The following PTAFR variants were observed in gnomAD, a reference collection of about 807,000 sequenced individuals.
The protein encoded by PTAFR is platelet activating factor receptor, also known as platelet-activating factor receptor.
A neutral mutation model predicts 14.7 loss-of-function variants in PTAFR; 8 were observed. The observed-to-expected ratio is 0.54, with a 90% CI of 0.32 to 0.98. PTAFR has a LOEUF of 0.98. Ranked by LOEUF, PTAFR falls within the 50% of genes least tolerant of loss-of-function variation. The pLI is 0.04. For missense variants in PTAFR, 337 were observed against 451.2 expected (o/e 0.75, Z 2.29); for synonymous variants, 156 against 176.5 (o/e 0.88, Z 0.92).
At chr1:28,173,118 A>C (rs1467390140) in intron 1 of PTAFR, among the ~76,000 whole-genome samples, 1 of 151,560 alleles carries the variant, frequency 6.6e-6, no homozygotes. Flanking sequence ...AAAAAAAAAA[A>C]AAAAAAAAAA....
intron 1 of PTAFR, among the ~76,000 whole-genome samples, chr1:28,152,315 T>C (rs1053522808): frequency 2.0e-5 from 3 of 152,028 alleles, no homozygotes; most frequent in African/African-American, 4.8e-5. Context: ...AAAATATAAC[T>C]GTCTGCCCAG....
At chr1:28,183,382 A>T (rs1646578054) in intron 1 of PTAFR, among the ~76,000 whole-genome samples, 1 of 152,230 alleles carries the variant, frequency 6.6e-6, no homozygotes, top group Non-Finnish European at 1.5e-5. Flanking sequence ...ATTTAAGTAT[A>T]TAAGTAATTA....
chr1:28,173,731 C>T (rs145754563), intron 1 of PTAFR, among the ~76,000 whole-genome samples: 138 of 152,088 alleles, frequency 9.1e-4, no homozygotes, highest in African/African-American at 2.9e-3. Flanking sequence ...GCCAGCCAAG[C>T]TCAACTCCAA....
intron 1 of PTAFR, among the ~76,000 whole-genome samples, chr1:28,162,887 G>A (rs1175240120): frequency 6.7e-6 from 1 of 148,172 alleles, no homozygotes; most frequent in South Asian, 2.1e-4. Context: ...CAGGCGATTC[G>A]TGCACGCACC....
Position 28,184,184 on chromosome 1 carries a change from C to T in PTAFR, c.-39+9538G>A, listed in dbSNP as rs142414893. 3.1e-3 allele frequency among the ~76,000 whole-genome samples: 469 copies of T among 150,194 alleles called. 3 individuals carry two copies. Among genetic ancestry groups the T allele is most frequent in the Middle Eastern group, 0.01 (3 of 294 alleles). On this transcript the variant is annotated intron_variant, in intron 1 of 1. Transcript: ENST00000305392. Reference sequence around the variant, plus strand: ...CTCAGCTCACTCCAACCTCCGCCTCCCAGGTTCAAGCAATTCTCCTGCATC... The same window carrying T: ...CTCAGCTCACTCCAACCTCCGCCTCTCAGGTTCAAGCAATTCTCCTGCATC...
intron 1 of PTAFR, among the ~76,000 whole-genome samples, chr1:28,155,226 G>A (rs1278445767): frequency 6.6e-6 from 1 of 151,988 alleles, no homozygotes; most frequent in Non-Finnish European, 1.5e-5. Context: ...TGTTGTTGTT[G>A]TTGAGATGGG....
intron 1 of PTAFR, among the ~76,000 whole-genome samples, chr1:28,153,315 G>A (rs1646217385): frequency 6.6e-6 from 1 of 152,296 alleles, no homozygotes; most frequent in Non-Finnish European, 1.5e-5. Flanking sequence ...GTCATTGCAA[G>A]CTCCTAGGAG....
intron 1 of PTAFR, among the ~76,000 whole-genome samples, chr1:28,169,406 C>T (rs1368428334): frequency 4.6e-5 from 7 of 152,148 alleles, no homozygotes; most frequent in Admixed American, 4.6e-4. Context: ...GCTATGCAAC[C>T]TTTGGTAAAA....
upstream of PTAFR, among the ~76,000 whole-genome samples, chr1:28,179,010 A>G (rs1646541723): frequency 6.6e-6 from 1 of 151,970 alleles, no homozygotes; most frequent in African/African-American, 2.4e-5. Flanking sequence ...AAAAAAAAAG[A>G]AAAGAAACAG....
intron 1 of PTAFR, among the ~76,000 whole-genome samples, chr1:28,188,226 G>T (rs1444684114): frequency 6.6e-6 from 1 of 152,246 alleles, no homozygotes; most frequent in Middle Eastern, 3.4e-3. Flanking sequence ...CTGGCAGATC[G>T]CTTGAACCCA....
At chr1:28,170,478 A>G (rs1421862507) in intron 1 of PTAFR, among the ~76,000 whole-genome samples, 1 of 152,160 alleles carries the variant, frequency 6.6e-6, no homozygotes, top group African/African-American at 2.4e-5. Context: ...CTGAGGTAAG[A>G]GAATTGCTTG....
chr1:28,160,385 G>T (rs1183497520), intron 1 of PTAFR, among the ~76,000 whole-genome samples: 2 of 149,674 alleles, frequency 1.3e-5, no homozygotes, highest in African/African-American at 2.5e-5. Flanking sequence ...ACACAGCAAG[G>T]CTTCATCTCA....
intron 1 of PTAFR, among the ~76,000 whole-genome samples, chr1:28,155,431 G>A (rs999298012): frequency 2.0e-5 from 3 of 152,122 alleles, no homozygotes; most frequent in East Asian, 1.9e-4. Context: ...GGCTGATCTC[G>A]AACTCCTGAC....
intron 1 of PTAFR, among the ~76,000 whole-genome samples, chr1:28,166,607 G>T (rs997272685): frequency 6.6e-6 from 1 of 151,666 alleles, no homozygotes; most frequent in Admixed American, 6.6e-5. Flanking sequence ...GGAGGCGGAG[G>T]TTGCAGTGAG....
Position 28,162,289 on chromosome 1 carries a change from G to A in PTAFR, c.-38-11230C>T, listed in dbSNP as rs571551706. On this transcript the variant is annotated intron_variant, in intron 1 of 1. Transcript: ENST00000373857. ...AGTGGCATTTTCAATTCCTCTCCCCGTCCCCTGTACTCAGGGAGCTTGGCT... is the reference window on the plus strand; with the variant it reads ...AGTGGCATTTTCAATTCCTCTCCCCATCCCCTGTACTCAGGGAGCTTGGCT... Among the ~76,000 whole-genome samples the A allele has an allele frequency of 3.6e-4, 55 of 152,194 alleles. No individual in the cohort carries two copies. The South Asian group carries it at 0.01, about 28-fold the overall frequency.
In PTAFR at chr1:28,150,835, C is replaced by A; in HGVS notation, c.187G>T (p.Asp63Tyr). 1 of 1,614,112 alleles carries A rather than the reference C, an allele frequency of 6.2e-7. No homozygotes were observed. The highest frequency in any genetic ancestry group is 8.5e-7 in the Non-Finnish European group (1 of 1,180,024). The change falls in exon 2 of 2, where the codon GAC becomes TAC. Residue 63 changes from aspartate (D) to tyrosine (Y), a missense_variant. Asp to Tyr is a radical substitution (Grantham distance 160). Transcript: ENST00000373857. This position sits in a 1 kb window ranked among gnomAD's most constrained non-coding sequence, Gnocchi z 6.3. ...KIFMVNLTMA[D>Y]MLFLITLPLW... Reference sequence around the variant, plus strand: ...GGCAGGGTGATCAAGAAGAGCATGTCCGCCATGGTGAGGTTCACCATGAAG... The same window carrying A: ...GGCAGGGTGATCAAGAAGAGCATGTACGCCATGGTGAGGTTCACCATGAAG...
chr1:28,168,175 G>T (rs1250595775), intron 1 of PTAFR, among the ~76,000 whole-genome samples: 1 of 140,232 alleles, frequency 7.1e-6, no homozygotes, highest in Non-Finnish European at 1.5e-5. Flanking sequence ...GTTTCACCGT[G>T]TTAGCCAGGA....
intron 1 of PTAFR, among the ~76,000 whole-genome samples, chr1:28,187,038 G>T (rs769713248): frequency 6.6e-6 from 1 of 152,078 alleles, no homozygotes; most frequent in Non-Finnish European, 1.5e-5. Flanking sequence ...TGATCTGCCC[G>T]CCTCGGCCTC....
intron 1 of PTAFR, among the ~76,000 whole-genome samples, chr1:28,183,440 G>A (rs574256566): frequency 7.2e-5 from 11 of 152,186 alleles, no homozygotes; most frequent in African/African-American, 2.6e-4. Context: ...AGTGTCTCAC[G>A]CCTATAAAAC....
Sources: allele counts gnomAD v4.1 joint callset (sites outside exome capture counted in the v4.1 genomes callset), GRCh38; gene constraint gnomAD v4.1.1; non-coding constraint Gnocchi (gnomAD v3.1); transcripts MANE v1.5; gene names NCBI Gene and HGNC (gene_info 2026-07-23, HGNC 2026-07-21).